TBC1D19: variants seen among roughly 807,000 people sequenced by gnomAD.
TBC1D19 encodes the protein TBC1 domain family, member 19.
In TBC1D19, 60 loss-of-function variants were observed where a neutral mutation model predicts 89.0. That is an observed-to-expected ratio of 0.67 (90% confidence interval 0.55 to 0.84). TBC1D19 has a LOEUF of 0.84. Ranked by LOEUF, TBC1D19 falls within the 40% of genes least tolerant of loss-of-function variation. TBC1D19 has a pLI of 0.00. For synonymous variants in TBC1D19, 189 were observed against 199.7 expected, an observed-to-expected ratio of 0.95 and a Z score of 0.45; for missense variants, 500 against 610.8, an observed-to-expected ratio of 0.82 and a Z score of 1.91.
At chr4:26,742,045 T>C (rs778626710) in intron 17 of TBC1D19, among the ~76,000 whole-genome samples, 33 of 152,196 alleles carry the variant, frequency 2.2e-4, no homozygotes, top group Non-Finnish European at 3.7e-4. Flanking sequence ...AGGCAGTATT[T>C]TCCCTAGTGA....
the TBC1D19 span, among the ~76,000 whole-genome samples, chr4:26,842,340 CTT>C: frequency 2.7e-3 from 217 of 81,556 alleles, no homozygotes; most frequent in Middle Eastern, 0.012. Flanking sequence ...CTTTTCTTTT[CTT>C]TTTTTTTTTT....
At chr4:26,739,226 A>G (rs1718211932) in intron 16 of TBC1D19, among the ~76,000 whole-genome samples, 1 of 152,182 alleles carries the variant, frequency 6.6e-6, no homozygotes, top group South Asian at 2.1e-4. Flanking sequence ...GCTGTGCTTA[A>G]TTGCTACAAA....
intron 1 of TBC1D19, among the ~76,000 whole-genome samples, chr4:26,598,629 C>T (rs570430913): frequency 1.3e-5 from 2 of 152,246 alleles, no homozygotes; most frequent in African/African-American, 4.8e-5. Context: ...CTCCTTACCT[C>T]GTGATCCGCC....
At chr4:26,763,149 G>A in the TBC1D19 span, among the ~76,000 whole-genome samples, 1 of 152,118 alleles carries the variant, frequency 6.6e-6, no homozygotes, top group Non-Finnish European at 1.5e-5. Context: ...TTTCTCTTGT[G>A]TGGTTTTGAT....
the TBC1D19 span, among the ~76,000 whole-genome samples, chr4:26,792,385 G>C: frequency 2.0e-5 from 3 of 152,152 alleles, no homozygotes; most frequent in Admixed American, 2.0e-4. Flanking sequence ...AGTGAAATTG[G>C]AGCAAAAGAC....
At chr4:26,730,161 G>A (rs1333708720) in intron 15 of TBC1D19, among the ~76,000 whole-genome samples, 2 of 152,092 alleles carry the variant, frequency 1.3e-5, no homozygotes, top group Admixed American at 6.6e-5. Flanking sequence ...AAAAATGATA[G>A]AGGTAGACTC....
intron 13 of TBC1D19, among the ~76,000 whole-genome samples, chr4:26,700,805 A>C (rs1715257227): frequency 1.3e-5 from 2 of 152,194 alleles, no homozygotes; most frequent in Admixed American, 6.5e-5. Context: ...GCTACTAAAA[A>C]GTAAATTGGC....
intron 1 of TBC1D19, among the ~76,000 whole-genome samples, chr4:26,593,216 C>A (rs1206288310): frequency 6.6e-6 from 1 of 152,088 alleles, no homozygotes; most frequent in Non-Finnish European, 1.5e-5. Context: ...TTTGACAAAC[C>A]TGAGAAAAAC....
At chr4:26,738,941 A>G (rs1173799575) in intron 16 of TBC1D19, among the ~76,000 whole-genome samples, 1 of 152,224 alleles carries the variant, frequency 6.6e-6, no homozygotes, top group Non-Finnish European at 1.5e-5. Context: ...TTACCAACAG[A>G]TTATAGAGCC....
intron 8 of TBC1D19, among the ~76,000 whole-genome samples, chr4:26,660,040 T>C: frequency 6.6e-6 from 1 of 152,318 alleles, no homozygotes; most frequent in East Asian, 1.9e-4. Flanking sequence ...TAAGATTATT[T>C]TTAAAAAAGT....
At chr4:26,833,826 A>C in the TBC1D19 span, among the ~76,000 whole-genome samples, 1 of 152,198 alleles carries the variant, frequency 6.6e-6, no homozygotes, top group Non-Finnish European at 1.5e-5. Flanking sequence ...AATTATACCA[A>C]GTAGGCTTTA....
At chr4:26,646,115 T>C (rs1577864916) in intron 7 of TBC1D19, among the ~76,000 whole-genome samples, 2 of 118,282 alleles carry the variant, frequency 1.7e-5, no homozygotes, top group South Asian at 2.6e-4. Context: ...AGAGCGAGAC[T>C]CCGTCTCAAA....
chr4:26,745,311 T>C (rs1718588893), intron 18 of TBC1D19, among the ~76,000 whole-genome samples: 1 of 151,872 alleles, frequency 6.6e-6, no homozygotes, highest in Non-Finnish European at 1.5e-5. Flanking sequence ...AAAATTGATA[T>C]TATTGAATTG....
intron 1 of TBC1D19, among the ~76,000 whole-genome samples, chr4:26,611,973 C>T (rs1741405635): frequency 6.6e-6 from 1 of 152,020 alleles, no homozygotes; most frequent in Non-Finnish European, 1.5e-5. Context: ...AAACCGTTCC[C>T]TGTTTTAACT....
intron 20 of TBC1D19, 44 bp from the exon 21 acceptor site, chr4:26,754,829 G>T: frequency 6.8e-7 from 1 of 1,467,006 alleles, no homozygotes. Context: ...TTATTTCATA[G>T]ACTTCGCTTT....
intron 13 of TBC1D19, among the ~76,000 whole-genome samples, chr4:26,688,615 G>T (rs7681622): frequency 0.013 from 1,907 of 151,922 alleles, 34 homozygotes; most frequent in African/African-American, 0.043. Flanking sequence ...GTTTCTTTTT[G>T]TCATATATGG....
chr4:26,794,827 C>G, the TBC1D19 span, among the ~76,000 whole-genome samples: 1 of 152,168 alleles, frequency 6.6e-6, no homozygotes, highest in African/African-American at 2.4e-5. Context: ...AATAAAAAAT[C>G]AGCCAATCAG....
intron 4 of TBC1D19, among the ~76,000 whole-genome samples, chr4:26,631,726 G>A (rs1266868705): frequency 6.6e-6 from 1 of 151,986 alleles, no homozygotes; most frequent in Non-Finnish European, 1.5e-5. Flanking sequence ...GTGCTTTCAT[G>A]TGTTACTTTT....
chr4:26,846,332 G>T, the TBC1D19 span, among the ~76,000 whole-genome samples: 2 of 152,220 alleles, frequency 1.3e-5, no homozygotes, highest in African/African-American at 4.8e-5. Context: ...GTTAATAGGA[G>T]AAAAAACTTA....
Sources: gnomAD v4.1 joint callset for allele counts (sites outside exome capture counted in the v4.1 genomes callset) on GRCh38, gnomAD v4.1.1 for gene constraint, MANE v1.5 for transcripts, NCBI Gene and HGNC (gene_info 2026-07-23, HGNC 2026-07-21) for gene names.